The following DOCK1 variants were observed in gnomAD, a reference collection of about 807,000 sequenced individuals.
DOCK1 encodes the protein dedicator of cytokinesis 1, also known as dedicator of cytokinesis protein 1.
A neutral mutation model predicts 262.7 loss-of-function variants in DOCK1; 138 were observed. The ratio of observed to expected loss-of-function variants is 0.53; its 90% confidence interval spans 0.46 to 0.61. DOCK1 has a LOEUF of 0.61. Among genes scored for constraint, DOCK1 ranks in the 20% least tolerant of loss-of-function variants. The pLI is 0.00. For missense variants in DOCK1, 1,908 were observed against 2,370.7 expected, an observed-to-expected ratio of 0.80 and a Z score of 4.05; for synonymous variants, 866 against 867.4, an observed-to-expected ratio of 1.00 and a Z score of 0.03.
intron 16 of DOCK1, chr10:127,026,639 G>T: frequency 1.8e-6 from 1 of 569,750 alleles, no homozygotes; most frequent in South Asian, 2.1e-5. Flanking sequence ...CTCCTACCCA[G>T]TGTTGCTGGT....
chr10:127,184,860 T>C (rs1436892211), intron 27 of DOCK1, among the ~76,000 whole-genome samples: 3 of 152,206 alleles, frequency 2.0e-5, no homozygotes, highest in Non-Finnish European at 4.4e-5. Context: ...AGTCCTTACC[T>C]GTCACCTTCA....
intron 23 of DOCK1, among the ~76,000 whole-genome samples, chr10:127,069,693 T>C (rs1436848684): frequency 6.6e-6 from 1 of 152,052 alleles, no homozygotes; most frequent in African/African-American, 2.4e-5. Flanking sequence ...TGAATTAGAA[T>C]ATTGGGCAGC....
chr10:127,139,023 C>G (rs1473708136), intron 27 of DOCK1, among the ~76,000 whole-genome samples: 1 of 152,176 alleles, frequency 6.6e-6, no homozygotes, highest in Admixed American at 6.5e-5. Flanking sequence ...TCACCCTGTC[C>G]CTCCTTGGGA....
Position 127,257,244 on chromosome 10 carries a change from A to C in DOCK1, c.2950-91A>C, listed in dbSNP as rs1025694446. ...CAGGATGTGTTCATTCAGCCTTTAA[A>C]ATGGGGTATTTTATAATCTAATTGA... On this transcript the variant is annotated intron_variant, in intron 28 of 51. Coordinates refer to ENST00000623213, the MANE Select transcript of DOCK1 (RefSeq NM_001290223.2). The C allele has an allele frequency of 1.1e-5, 11 of 1,041,662 alleles. No homozygotes were observed. The African/African-American group carries it at 1.3e-4, about 12-fold the overall frequency. The allele number at this position is 1,041,662 out of a possible 1,614,324, so 64.5% of individuals were successfully genotyped here.
chr10:127,166,062 CTTATTTAT>C (rs545769676), intron 27 of DOCK1, among the ~76,000 whole-genome samples: 3 of 152,018 alleles, frequency 2.0e-5, no homozygotes, highest in African/African-American at 7.2e-5. Context: ...CCTGCATTTT[CTTATTTAT>C]TTATTTATTT....
intron 33 of DOCK1, among the ~76,000 whole-genome samples, chr10:127,364,124 A>G (rs960309283): frequency 1.7e-4 from 26 of 152,310 alleles, no homozygotes; most frequent in Middle Eastern, 3.4e-3. Context: ...GTGAGCCCCC[A>G]GTGTCTGCAG....
At chr10:126,968,088 C>T (rs1411097756) in intron 1 of DOCK1, among the ~76,000 whole-genome samples, 6 of 152,078 alleles carry the variant, frequency 3.9e-5, no homozygotes, top group Admixed American at 3.3e-4. Flanking sequence ...AAGTAATCCC[C>T]CCAAAGTGTT....
At chr10:126,928,116 A>G (rs976788839) in intron 1 of DOCK1, among the ~76,000 whole-genome samples, 1 of 152,160 alleles carries the variant, frequency 6.6e-6, no homozygotes, top group Non-Finnish European at 1.5e-5. Context: ...CTCGTTGGAG[A>G]AGCTGAAAAA....
intron 28 of DOCK1, among the ~76,000 whole-genome samples, chr10:127,256,752 A>G (rs992866752): frequency 6.6e-6 from 1 of 152,182 alleles, no homozygotes; most frequent in East Asian, 1.9e-4. Flanking sequence ...CTAAGACATC[A>G]GAAGCATAAC....
intron 6 of DOCK1, among the ~76,000 whole-genome samples, chr10:126,994,087 A>G (rs886925856): frequency 3.9e-5 from 6 of 152,234 alleles, no homozygotes; most frequent in Admixed American, 1.3e-4. Flanking sequence ...ACAGGAATAT[A>G]ATCCTAACGG....
intron 29 of DOCK1, among the ~76,000 whole-genome samples, chr10:127,316,375 T>C (rs1345018154): frequency 2.0e-5 from 3 of 152,200 alleles, no homozygotes; most frequent in Admixed American, 1.3e-4. Flanking sequence ...ACTGTATCTA[T>C]GTGACGATAA....
At chr10:127,366,980 T>C (rs2064953974) in intron 33 of DOCK1, among the ~76,000 whole-genome samples, 1 of 152,206 alleles carries the variant, frequency 6.6e-6, no homozygotes, top group Non-Finnish European at 1.5e-5. Context: ...GCTGTGTCTT[T>C]TGGAGTAGAG....
At chr10:127,318,577 C>T (rs2062385204) in intron 29 of DOCK1, among the ~76,000 whole-genome samples, 1 of 152,218 alleles carries the variant, frequency 6.6e-6, no homozygotes, top group African/African-American at 2.4e-5. Flanking sequence ...CTGATGACTG[C>T]TTTCCCTCCC....
chr10:127,365,044 A>AT (rs11331563), intron 33 of DOCK1, among the ~76,000 whole-genome samples: 2 of 151,896 alleles, frequency 1.3e-5, no homozygotes, highest in African/African-American at 4.8e-5. Context: ...TTATACCTAG[A>AT]TTTTTTTTAT....
chr10:126,930,478 G>T (rs1318350209), intron 1 of DOCK1, among the ~76,000 whole-genome samples: 1 of 152,224 alleles, frequency 6.6e-6, no homozygotes, highest in African/African-American at 2.4e-5. Context: ...TCGGGGTGGG[G>T]AACAGGTGCC....
chr10:126,910,923 C>T (rs1345482897), intron 1 of DOCK1, among the ~76,000 whole-genome samples: 1 of 152,142 alleles, frequency 6.6e-6, no homozygotes, highest in Non-Finnish European at 1.5e-5. Flanking sequence ...AGTATCATTT[C>T]ATGGTCTGGA....
intron 38 of DOCK1, among the ~76,000 whole-genome samples, chr10:127,401,448 A>T (rs1401565626): frequency 6.6e-6 from 1 of 152,220 alleles, no homozygotes; most frequent in Non-Finnish European, 1.5e-5. Context: ...AGGGCCAAGC[A>T]GACATCTTGG....
chr10:127,212,298 T>C (rs1336212954), intron 27 of DOCK1, among the ~76,000 whole-genome samples: 1 of 152,174 alleles, frequency 6.6e-6, no homozygotes, highest in Non-Finnish European at 1.5e-5. Context: ...AGAAGGAAAC[T>C]TCTACCTGGC....
intron 1 of DOCK1, among the ~76,000 whole-genome samples, chr10:126,919,642 G>A (rs371946480): frequency 2.6e-4 from 40 of 152,304 alleles, no homozygotes; most frequent in Admixed American, 2.0e-3. Flanking sequence ...CCGTCAGCCC[G>A]TTGCTCTGAG....
Sources: gnomAD v4.1 joint callset for allele counts (sites outside exome capture counted in the v4.1 genomes callset) on GRCh38, gnomAD v4.1.1 for gene constraint, MANE v1.5 for transcripts, NCBI Gene and HGNC (gene_info 2026-07-23, HGNC 2026-07-21) for gene names.